Variants in TAF5 observed in about 807,000 individuals in gnomAD.
The protein encoded by TAF5 is transcription initiation factor TFIID subunit 5.
TAF5 carries 20 observed loss-of-function variants against 80.9 expected under a neutral mutation model. The ratio of observed to expected loss-of-function variants is 0.25; its 90% CI spans 0.17 to 0.36. The LOEUF is 0.36. TAF5 is among the 10% of genes least tolerant of loss of function. The pLI is 1.00. For missense variants in TAF5, 863 were observed against 1,029.4 expected (o/e 0.84, Z 2.21); for synonymous variants, 388 against 406.4 (o/e 0.95, Z 0.55).
intron 5 of TAF5, among the ~76,000 whole-genome samples, chr10:103,381,212 G>C (rs947234665): frequency 3.3e-5 from 5 of 151,640 alleles, no homozygotes; most frequent in Non-Finnish European, 5.9e-5. Context: ...GCCTCCTAAA[G>C]TGCTGTGATA....
intron 4 of TAF5, 36 bp from the exon 5 acceptor site, chr10:103,379,848 T>G: frequency 6.2e-7 from 1 of 1,605,434 alleles, no homozygotes; most frequent in Non-Finnish European, 8.5e-7. Flanking sequence ...TTGTTAATAG[T>G]CAAAAGGTAA....
intron 8 of TAF5, among the ~76,000 whole-genome samples, chr10:103,386,568 TAC>T (rs1283606864): frequency 6.6e-6 from 1 of 151,924 alleles, no homozygotes. Flanking sequence ...GCTACAGTGG[TAC>T]ACGCCTATAG....
chr10:103,385,753 C>T (rs1188910369), intron 8 of TAF5, among the ~76,000 whole-genome samples: 1 of 151,314 alleles, frequency 6.6e-6, no homozygotes, highest in African/African-American at 2.4e-5. Flanking sequence ...GGTGGAACCC[C>T]GTCTCTACTA....
intron 1 of TAF5, 86 bp downstream of exon 1, chr10:103,368,634 G>C: frequency 7.2e-7 from 1 of 1,385,280 alleles, no homozygotes; most frequent in Non-Finnish European, 9.3e-7. Flanking sequence ...GCACCTCTGC[G>C]GGCTTGTTTT....
Position 103,368,201 on chromosome 10 carries a change from C to T in TAF5, c.212C>T (p.Ser71Phe). 1 of 1,400,410 alleles carries T rather than the reference C, an allele frequency of 7.1e-7. No individual in the cohort carries two copies. Among genetic ancestry groups the T allele is most frequent in the Non-Finnish European group, 9.3e-7 (1 of 1,078,640 alleles). The allele number at this position is 1,400,410 out of a possible 1,614,324, so 86.7% of individuals were successfully genotyped here. The stretch of plus-strand genomic sequence containing the variant: ...ACCCCCAAGCCCACGGTGGCTGTCT[C>T]CGCCGCTGCCCCGGCGGGGGCGGCC... ...GGTPKPTVAV[S>F]AAAPAGAAPV... is the part of the protein sequence containing the mutation. The change falls in exon 1 of 11, where the codon TCC (serine) becomes TTC (phenylalanine). Residue 71 changes from serine (S) to phenylalanine (F), a missense_variant. Coordinates refer to ENST00000369839, the MANE Select transcript of TAF5 (RefSeq NM_006951.5).
intron 1 of TAF5, among the ~76,000 whole-genome samples, chr10:103,369,239 A>C (rs1016459455): frequency 1.2e-4 from 18 of 152,206 alleles, no homozygotes; most frequent in African/African-American, 4.3e-4. Context: ...TCGGCCTCCT[A>C]CAGTGCTGGG....
chr10:103,376,056 CAA>C (rs373587088), intron 2 of TAF5, among the ~76,000 whole-genome samples: 3 of 131,242 alleles, frequency 2.3e-5, no homozygotes, highest in Non-Finnish European at 1.6e-5. Flanking sequence ...AAGTCTATCT[CAA>C]AAAAAAAAAA....
rs549206822 is a variant in TAF5, at chr10:103,370,968, C to T, written c.560-2390C>T. On this transcript the variant is annotated intron_variant, in intron 1 of 10. Coordinates refer to ENST00000369839, the MANE Select transcript of TAF5 (RefSeq NM_006951.5). ...TGCAGATGTGATTGAAGGCCGGGCT[C>T]GGTGGCTCACGCCTGTAGTCCCAGC... 1.5e-4 allele frequency among the ~76,000 whole-genome samples: 23 copies of T among 152,178 alleles called. 1 individual carries two copies. Among genetic ancestry groups the T allele is most frequent in the Admixed American group, 1.2e-3 (19 of 15,276 alleles).
At chr10:103,369,410 G>A (rs910583023) in intron 1 of TAF5, among the ~76,000 whole-genome samples, 2 of 151,394 alleles carry the variant, frequency 1.3e-5, no homozygotes, top group African/African-American at 4.9e-5. Context: ...CCAGGCTGGA[G>A]TACAGTGGCG....
At chr10:103,379,560 T>C in intron 3 of TAF5, 48 bp from the exon 4 acceptor site, 2 of 1,427,776 alleles carry the variant, frequency 1.4e-6, no homozygotes, top group Non-Finnish European at 1.9e-6. Context: ...AAAATGGGTA[T>C]ATTAATGAAT....
At position 103,387,693 on chromosome 10, in the gene TAF5, C is replaced by T. The variant is rs1330482611; in HGVS notation, c.2180C>T (p.Ala727Val). 3.1e-6 allele frequency: 5 copies of T among 1,610,266 alleles called. No homozygotes were observed. The highest frequency in any genetic ancestry group is 1.7e-4 in the Middle Eastern group (1 of 6,038). Residue 727 changes from alanine to valine, a missense_variant, in exon 10 of 11, where the codon GCA (alanine) becomes GTA (valine). By Grantham distance (64) the Ala-to-Val change is moderately conservative. Around this residue, in one of 3 missense-constraint regions of TAF5, gnomAD observed 368 missense variants for 461.7 expected, o/e 0.80. Coordinates refer to ENST00000369839, the MANE Select transcript of TAF5 (RefSeq NM_006951.5). The part of the protein sequence containing the change: ...LRFSRDGEIL[A>V]SGSMDNTVRL... ...TTTAGTAGAGATGGTGAAATTTTGG[C>T]ATCAGGTAAATGACTATTAATGGCT...
At chr10:103,368,848 C>T (rs2093352217) in intron 1 of TAF5, among the ~76,000 whole-genome samples, 1 of 152,302 alleles carries the variant, frequency 6.6e-6, no homozygotes, top group East Asian at 1.9e-4. Flanking sequence ...GGCTTTTGAG[C>T]CTTGGGCAGG....
intron 5 of TAF5, 77 bp downstream of exon 5, chr10:103,380,096 G>A (rs189520220): frequency 2.3e-5 from 33 of 1,435,896 alleles, no homozygotes; most frequent in Admixed American, 9.5e-5. Context: ...AGAAACAAAT[G>A]TATTAGCTAA....
In TAF5 at chr10:103,378,395, C is replaced by T; in HGVS notation, c.958C>T (p.His320Tyr). ...SRDSYQLLKR[H>Y]LQEKQNNQIW... ...TGACTCGTACCAACTCTTGAAGAGGCATCTTCAGGAGAAACAGAACAATCA... is the reference window on the plus strand; with the variant it reads ...TGACTCGTACCAACTCTTGAAGAGGTATCTTCAGGAGAAACAGAACAATCA... Residue 320 changes from histidine to tyrosine, a missense_variant, in exon 3 of 11, where the codon CAT becomes TAT. This residue lies in a region of TAF5 where 128 missense variants were observed against 232.2 expected (regional missense o/e 0.55). Coordinates refer to ENST00000369839, the MANE Select transcript of TAF5 (RefSeq NM_006951.5). The surrounding 1 kb of genome is among the most constrained non-coding windows in gnomAD (Gnocchi z 4.1). 6.2e-7 allele frequency: 1 copy of T among 1,614,164 alleles called. No homozygotes were observed. The highest frequency in any genetic ancestry group is 8.5e-7 in the Non-Finnish European group (1 of 1,180,036).
rs962400162 is a variant in TAF5 at position 103,368,635 on chromosome 10, G to A, written c.559+87G>A. The stretch of plus-strand genomic sequence containing the variant: ...GGGCTGGCAGGCCTGCACCTCTGCG[G>A]GCTTGTTTTGAATTTCCTGGGCCCG... On this transcript the variant is annotated intron_variant, in intron 1 of 10. Transcript: ENST00000369839. 3 of 1,385,268 alleles carry A rather than the reference G, an allele frequency of 2.2e-6. No homozygotes were observed. In the African/African-American group the frequency reaches 4.5e-5, roughly 21 times the overall value. The allele number at this position is 1,385,268 out of a possible 1,614,324, so 85.8% of individuals were successfully genotyped here.
In TAF5 at chr10:103,388,045, A is replaced by G; in HGVS notation, c.2225A>G (p.Lys742Arg). Residue 742 changes from lysine to arginine, a missense_variant, in exon 11 of 11, where the codon AAA (lysine) becomes AGA (arginine). By Grantham distance (26) the Lys-to-Arg change is conservative (BLOSUM62 2). Coordinates refer to ENST00000369839, the MANE Select transcript of TAF5 (RefSeq NM_006951.5). The stretch of plus-strand genomic sequence containing the variant: ...ACAGTTCGATTATGGGATGCTATCA[A>G]AGCCTTTGAAGATTTAGAGACCGAT... The part of the protein sequence containing the change: ...DNTVRLWDAI[K>R]AFEDLETDDF... 5.0e-6 allele frequency: 8 copies of G among 1,614,114 alleles called. No homozygotes were observed. Among genetic ancestry groups the G allele is most frequent in the Non-Finnish European group, 6.8e-6 (8 of 1,179,974 alleles).
chr10:103,380,928 C>A (rs1252185271), intron 5 of TAF5, among the ~76,000 whole-genome samples: 1 of 150,394 alleles, frequency 6.6e-6, no homozygotes, highest in Non-Finnish European at 1.5e-5. Context: ...GCCATATAAA[C>A]CTTATTTTAT....
At chr10:103,375,504 C>G (rs977260398) in intron 2 of TAF5, among the ~76,000 whole-genome samples, 7 of 152,144 alleles carry the variant, frequency 4.6e-5, no homozygotes, top group African/African-American at 1.7e-4. Flanking sequence ...TTGAATATGC[C>G]TTTGACTCAT....
intron 1 of TAF5, among the ~76,000 whole-genome samples, chr10:103,370,403 G>T (rs1325036648): frequency 7.6e-6 from 1 of 131,306 alleles, no homozygotes; most frequent in Non-Finnish European, 1.5e-5. Context: ...TTGGCTCACT[G>T]CAACCTCCGC....
Sources: allele counts gnomAD v4.1 joint callset (sites outside exome capture counted in the v4.1 genomes callset), GRCh38; gene constraint gnomAD v4.1.1; regional missense constraint gnomAD v4.1.1; non-coding constraint Gnocchi (gnomAD v3.1); transcripts MANE v1.5; gene names NCBI Gene and HGNC (gene_info 2026-07-23, HGNC 2026-07-21).